Variants in MALRD1 observed in about 807,000 individuals in gnomAD.
MALRD1 encodes the protein MAM and LDL receptor class A domain containing 1, also known as MAM and LDL-receptor class A domain-containing protein 1.
MALRD1 carries 247 observed loss-of-function variants against 242.1 expected under a neutral mutation model. That is an observed-to-expected ratio of 1.02 (90% CI 0.92 to 1.13). The LOEUF is 1.13. Ranked by LOEUF, MALRD1 falls within the 50% of genes most tolerant of loss-of-function variation. The pLI is 0.00. For synonymous variants in MALRD1, 995 were observed against 866.6 expected (o/e 1.15, Z -2.60); for missense variants, 2,989 against 2,533.1 (o/e 1.18, Z -3.86).
chr10:19,194,397 C>T (rs1836137725), intron 14 of MALRD1, among the ~76,000 whole-genome samples: 1 of 152,150 alleles, frequency 6.6e-6, no homozygotes, highest in African/African-American at 2.4e-5. Flanking sequence ...ACTCATTTAT[C>T]CAGTAACAAC....
intron 21 of MALRD1, among the ~76,000 whole-genome samples, chr10:19,283,432 CTT>C (rs1223902760): frequency 6.6e-6 from 1 of 152,108 alleles, no homozygotes; most frequent in East Asian, 1.9e-4. Context: ...TATTATCACT[CTT>C]TGAAAAGCCC....
chr10:19,048,257 T>C (rs954580573), upstream of MALRD1, among the ~76,000 whole-genome samples: 18 of 152,196 alleles, frequency 1.2e-4, no homozygotes, highest in African/African-American at 4.1e-4. Context: ...TGGGTTGAAG[T>C]TATATGATTT....
intron 36 of MALRD1, among the ~76,000 whole-genome samples, chr10:19,676,464 A>G (rs942329485): frequency 6.6e-6 from 1 of 152,198 alleles, no homozygotes; most frequent in Non-Finnish European, 1.5e-5. Flanking sequence ...TTTTTAACCT[A>G]CAAGTTTTTT....
chr10:19,282,433 C>T (rs1367374243), intron 20 of MALRD1, among the ~76,000 whole-genome samples: 6 of 152,086 alleles, frequency 3.9e-5, no homozygotes, highest in African/African-American at 9.7e-5. Flanking sequence ...TTTTATTCAG[C>T]AGTGGAAGAT....
chr10:19,588,036 A>G (rs981300261), intron 33 of MALRD1, among the ~76,000 whole-genome samples: 2 of 151,912 alleles, frequency 1.3e-5, no homozygotes, highest in Non-Finnish European at 2.9e-5. Flanking sequence ...AAAGTCCTTT[A>G]TGTAAAATCA....
chr10:19,057,779 G>A (rs1303572631), intron 1 of MALRD1, among the ~76,000 whole-genome samples: 2 of 152,076 alleles, frequency 1.3e-5, no homozygotes, highest in Admixed American at 1.3e-4. Context: ...AAGTGTCTTC[G>A]AAGTTTATCT....
chr10:19,148,931 G>T (rs1184346159), intron 11 of MALRD1, among the ~76,000 whole-genome samples: 1 of 151,594 alleles, frequency 6.6e-6, no homozygotes, highest in African/African-American at 2.4e-5. Context: ...AAAGGACCAG[G>T]AAGGGAAAGG....
intron 6 of MALRD1, 81 bp from the exon 7 acceptor site, chr10:19,124,443 T>A: frequency 8.6e-7 from 1 of 1,157,014 alleles, no homozygotes; most frequent in South Asian, 4.4e-5. Flanking sequence ...ATAAGCTTTT[T>A]GGTTGATTAC....
In MALRD1 at chr10:19,202,103, G is replaced by T. The variant is rs879374346; in HGVS notation, c.1952-1625G>T. On this transcript the variant is annotated intron_variant, in intron 14 of 39. Coordinates refer to ENST00000454679, the MANE Select transcript of MALRD1 (RefSeq NM_001142308.3). ...TATTGGAATTACAGGTGTGAGCCAC[G>T]GCGCCCGACTGAGAAAACTTTACTC... Among the ~76,000 whole-genome samples, 13 of 151,940 alleles carry T rather than the reference G, an allele frequency of 8.6e-5. 1 individual carries two copies. Among genetic ancestry groups the T allele is most frequent in the Non-Finnish European group, 1.6e-4 (11 of 67,960 alleles).
At chr10:19,292,670 A>T (rs1841499212) in intron 21 of MALRD1, among the ~76,000 whole-genome samples, 1 of 152,064 alleles carries the variant, frequency 6.6e-6, no homozygotes, top group Admixed American at 6.6e-5. Context: ...AGGCGGGCGG[A>T]TCACGAGGTC....
intron 31 of MALRD1, among the ~76,000 whole-genome samples, chr10:19,515,549 TTTTTA>T (rs1564405631): frequency 1.3e-5 from 2 of 151,596 alleles, no homozygotes; most frequent in East Asian, 1.9e-4. Flanking sequence ...CTTTCTCTTT[TTTTTA>T]ATTTTTATTT....
At chr10:19,548,556 C>T (rs895528262) in intron 32 of MALRD1, among the ~76,000 whole-genome samples, 5 of 152,038 alleles carry the variant, frequency 3.3e-5, no homozygotes, top group African/African-American at 4.8e-5. Context: ...AAATTGTCAC[C>T]GTGCCCGGCC....
chr10:19,443,620 G>A (rs1243694275), intron 28 of MALRD1, among the ~76,000 whole-genome samples: 1 of 152,182 alleles, frequency 6.6e-6, no homozygotes, highest in Non-Finnish European at 1.5e-5. Flanking sequence ...TTTCCATGTA[G>A]TTGAGCGGTT....
At chr10:19,692,166 C>A in intron 36 of MALRD1, 116 bp from the exon 37 acceptor site, 1 of 776,714 alleles carries the variant, frequency 1.3e-6, no homozygotes, top group Non-Finnish European at 1.9e-6. Context: ...CAAAGTTATC[C>A]ATGTTCCTAG....
At chr10:19,393,586 C>T (rs1846432305) in intron 28 of MALRD1, among the ~76,000 whole-genome samples, 2 of 150,738 alleles carry the variant, frequency 1.3e-5, no homozygotes, top group South Asian at 4.2e-4. Flanking sequence ...GCTGGGACTA[C>T]AGGCGCCGGC....
chr10:19,066,760 C>A lies in MALRD1; in HGVS notation c.241C>A (p.His81Asn). The A allele has an allele frequency of 8.1e-7, 1 of 1,233,630 alleles. No homozygotes were observed. The highest frequency in any genetic ancestry group is 1.5e-5 in the African/African-American group (1 of 64,592). The allele number at this position is 1,233,630 out of a possible 1,614,324, so 76.4% of individuals were successfully genotyped here. ...ATGTGATTTTGAGGATGGTCTCTGTCATATGACTCAAGATCAGAGTCTGCA... is the reference window on the plus strand; with the variant it reads ...ATGTGATTTTGAGGATGGTCTCTGTAATATGACTCAAGATCAGAGTCTGCA... Reference protein sequence around the residue: ...ERCDFEDGLCHMTQDQSLQPS... With the variant: ...ERCDFEDGLCNMTQDQSLQPS... Residue 81 changes from histidine to asparagine, a missense_variant, in exon 2 of 40, where the codon CAT (histidine) becomes AAT (asparagine). Physicochemically the swap from His to Asn is moderately conservative, Grantham distance 68. Transcript: ENST00000454679.
chr10:19,371,076 C>T (rs1163805878), intron 26 of MALRD1, among the ~76,000 whole-genome samples: 3 of 141,850 alleles, frequency 2.1e-5, no homozygotes, highest in African/African-American at 5.3e-5. Context: ...ATAGTGAGGC[C>T]CTCTCTCTAC....
chr10:19,190,812 C>A (rs994190282), intron 14 of MALRD1, among the ~76,000 whole-genome samples: 1 of 152,170 alleles, frequency 6.6e-6, no homozygotes, highest in East Asian at 1.9e-4. Context: ...AACTCAAAAT[C>A]AATCCATAAA....
At chr10:19,287,826 G>A (rs114824894) in intron 21 of MALRD1, among the ~76,000 whole-genome samples, 2,567 of 152,190 alleles carry the variant, frequency 0.017, 66 homozygotes, top group African/African-American at 0.051. Context: ...ACTGTGTATA[G>A]TTATATAGTT....
Sources: allele counts gnomAD v4.1 joint callset (sites outside exome capture counted in the v4.1 genomes callset), GRCh38; gene constraint gnomAD v4.1.1; transcripts MANE v1.5; gene names NCBI Gene and HGNC (gene_info 2026-07-23, HGNC 2026-07-21).